Variants in TRAPPC13 observed in about 807,000 individuals in gnomAD.
TRAPPC13 encodes the protein trafficking protein particle complex subunit 13.
TRAPPC13 carries 39 observed loss-of-function variants against 54.0 expected under a neutral mutation model. The observed-to-expected ratio is 0.72, with a 90% CI of 0.56 to 0.94. The LOEUF is 0.94. TRAPPC13 is among the 40% of genes least tolerant of loss of function. TRAPPC13 has a pLI of 0.00. For synonymous variants in TRAPPC13, 148 were observed against 167.7 expected (o/e 0.88, Z 0.91); for missense variants, 386 against 488.1 (o/e 0.79, Z 1.97).
At chr5:65,655,909 A>AT (rs60010914) in intron 8 of TRAPPC13, among the ~76,000 whole-genome samples, 65 of 150,744 alleles carry the variant, frequency 4.3e-4, no homozygotes, top group African/African-American at 1.3e-3. Flanking sequence ...TCTTCTTTAG[A>AT]TTTTTTTTTT....
At chr5:65,630,820 G>T in intron 1 of TRAPPC13, 1 of 336,094 alleles carries the variant, frequency 3.0e-6, no homozygotes, top group Non-Finnish European at 4.2e-6. Flanking sequence ...TTCAAACAAC[G>T]ATACAAAATG....
intron 3 of TRAPPC13, among the ~76,000 whole-genome samples, chr5:65,636,559 A>G (rs1007016883): frequency 2.8e-4 from 43 of 152,298 alleles, no homozygotes; most frequent in Non-Finnish European, 5.4e-4. Flanking sequence ...GGTTCCTAGC[A>G]TAATAGAATT....
intron 4 of TRAPPC13, among the ~76,000 whole-genome samples, chr5:65,641,302 C>A (rs1232385644): frequency 6.6e-6 from 1 of 152,022 alleles, no homozygotes; most frequent in East Asian, 1.9e-4. Context: ...TTGATATTGA[C>A]CTGTATTTGT....
intron 4 of TRAPPC13, among the ~76,000 whole-genome samples, chr5:65,641,483 C>A (rs1755961211): frequency 1.3e-5 from 2 of 152,104 alleles, no homozygotes; most frequent in Admixed American, 6.5e-5. Flanking sequence ...GCAGGAGGAG[C>A]CCTTGAATCC....
chr5:65,650,226 A>G (rs1362641752), intron 5 of TRAPPC13, among the ~76,000 whole-genome samples: 1 of 140,350 alleles, frequency 7.1e-6, no homozygotes, highest in Non-Finnish European at 1.5e-5. Flanking sequence ...CAATGGCGCA[A>G]TCTCAGCTCA....
At chr5:65,635,845 A>G (rs983247185) in intron 2 of TRAPPC13, 99 bp from the exon 3 acceptor site, 4 of 667,488 alleles carry the variant, frequency 6.0e-6, no homozygotes, top group African/African-American at 5.7e-5. Flanking sequence ...CTTTGTCAAG[A>G]GGTTGTTTTT....
intron 1 of TRAPPC13, chr5:65,629,361 T>C: frequency 1.3e-6 from 1 of 783,562 alleles, no homozygotes; most frequent in Non-Finnish European, 1.7e-6. Context: ...TTTGGTAAAA[T>C]ACCACATTGG....
At chr5:65,625,778 A>C (rs1391456770) in intron 1 of TRAPPC13, 1 of 151,986 alleles carries the variant, frequency 6.6e-6, no homozygotes, top group African/African-American at 2.4e-5. Flanking sequence ...AAATCTTTTC[A>C]GCTTTATTTT....
Position 65,625,090 on chromosome 5 carries a change from C to T in TRAPPC13, c.30C>T (p.His10=), listed in dbSNP as rs1384464528. 8 of 1,613,774 alleles carry T rather than the reference C, an allele frequency of 5.0e-6. No homozygotes were observed. Among genetic ancestry groups the T allele is most frequent in the African/African-American group, 2.7e-5 (2 of 75,016 alleles). ...AAGTGAATCCCCCTAAACAGGAGCACCTGCTGGCGCTAAAAGGTAAACTTT... is the reference window on the plus strand; with the variant it reads ...AAGTGAATCCCCCTAAACAGGAGCATCTGCTGGCGCTAAAAGGTAAACTTT... The part of the protein sequence containing the change: MEVNPPKQE[H]LLALKVMRLT... Residue 10 remains histidine, a synonymous_variant, in exon 1 of 13, where the codon CAC becomes CAT. Transcript: ENST00000399438.
At chr5:65,635,633 C>T (rs1189770954) in intron 2 of TRAPPC13, among the ~76,000 whole-genome samples, 1 of 151,950 alleles carries the variant, frequency 6.6e-6, no homozygotes, top group Non-Finnish European at 1.5e-5. Flanking sequence ...TTAAAATTGC[C>T]TTTATCCTCA....
Position 65,649,224 on chromosome 5 carries a change from A to G in TRAPPC13, c.429-1586A>G, listed in dbSNP as rs567941497. Among the ~76,000 whole-genome samples the G allele has an allele frequency of 3.1e-5, 3 of 95,918 alleles. No homozygotes were observed. The East Asian group carries it at 7.3e-4, about 23-fold the overall frequency. 62.9% of individuals were successfully genotyped at this position (95,918 alleles called of 152,430 possible). On this transcript the variant is annotated intron_variant, in intron 5 of 12. Coordinates refer to ENST00000399438, the MANE Select transcript of TRAPPC13 (RefSeq NM_024941.4). ...CAGTGGGACCCTGCCTCAAAAAAAG[A>G]AACTTTTTTTTTACATGACTCCATC...
At chr5:65,629,380 T>G in intron 1 of TRAPPC13, 2 of 1,040,956 alleles carry the variant, frequency 1.9e-6, no homozygotes, top group Non-Finnish European at 2.5e-6. Flanking sequence ...GGGATTGGTT[T>G]TTGTTTTTTG....
intron 4 of TRAPPC13, among the ~76,000 whole-genome samples, chr5:65,643,686 G>A (rs1339693753): frequency 7.3e-5 from 11 of 151,704 alleles, no homozygotes; most frequent in South Asian, 4.2e-4. Context: ...GTGTGATGGC[G>A]GGCGCCTGTA....
chr5:65,635,064 C>A, intron 1 of TRAPPC13: 2 of 560,166 alleles, frequency 3.6e-6, no homozygotes, highest in Non-Finnish European at 4.5e-6. Flanking sequence ...ATTGTATTTA[C>A]ATTTAATTTT....
chr5:65,655,243 G>A (rs527761860), intron 7 of TRAPPC13, among the ~76,000 whole-genome samples: 3 of 152,146 alleles, frequency 2.0e-5, no homozygotes, highest in East Asian at 1.9e-4. Flanking sequence ...GAAGGTATAC[G>A]GTGTATATCT....
At chr5:65,630,104 C>G in intron 1 of TRAPPC13, 1 of 1,536,002 alleles carries the variant, frequency 6.5e-7, no homozygotes. Context: ...GACAATAGAA[C>G]ACACTATTTG....
intron 6 of TRAPPC13, 145 bp downstream of exon 6, chr5:65,651,027 TC>T (rs1309938597): frequency 8.0e-6 from 5 of 621,680 alleles, no homozygotes; most frequent in Non-Finnish European, 1.4e-5. Flanking sequence ...TGACTAGCAG[TC>T]TAAACTCAGA....
At chr5:65,631,197 C>G (rs1038845122) in intron 1 of TRAPPC13, among the ~76,000 whole-genome samples, 2 of 152,174 alleles carry the variant, frequency 1.3e-5, no homozygotes, top group African/African-American at 2.4e-5. Context: ...AACACACCAG[C>G]TCCCTAAGAA....
intron 3 of TRAPPC13, 137 bp downstream of exon 3, chr5:65,636,180 A>G (rs577627647): frequency 1.4e-5 from 8 of 591,180 alleles, no homozygotes; most frequent in South Asian, 2.0e-5. Context: ...GTCTCGCTCT[A>G]TTGCCCAGGC....
Sources: gnomAD v4.1 joint callset for allele counts (sites outside exome capture counted in the v4.1 genomes callset) on GRCh38, gnomAD v4.1.1 for gene constraint, MANE v1.5 for transcripts, NCBI Gene and HGNC (gene_info 2026-07-23, HGNC 2026-07-21) for gene names.